Variants in DESI2 observed in about 807,000 individuals in gnomAD.
The protein encoded by DESI2 is desumoylating isopeptidase 2.
A neutral mutation model predicts 24.1 loss-of-function variants in DESI2; 10 were observed. That is an observed-to-expected ratio of 0.41 (90% confidence interval 0.26 to 0.70). The LOEUF (loss-of-function observed/expected upper bound fraction) is 0.70. Among genes scored for constraint, DESI2 ranks in the 30% least tolerant of loss-of-function variants. The probability of loss-of-function intolerance (pLI) is 0.29; values close to 1 mark genes in which losing one functional copy is unlikely to be tolerated. For synonymous variants in DESI2, 71 were observed against 87.7 expected, an observed-to-expected ratio of 0.81 and a Z score of 1.06; for missense variants, 122 against 234.9, an observed-to-expected ratio of 0.52 and a Z score of 3.14.
At chr1:244,694,545 C>T (rs1677143907) in intron 4 of DESI2, 1 of 781,544 alleles carries the variant, frequency 1.3e-6, no homozygotes, top group African/African-American at 1.7e-5. Context: ...TCGACCAGTC[C>T]CAGTGGTATT....
chr1:244,687,854 G>T (rs1180144273), intron 2 of DESI2, among the ~76,000 whole-genome samples: 2 of 152,298 alleles, frequency 1.3e-5, no homozygotes, highest in East Asian at 3.9e-4. Context: ...TGCCAAATTT[G>T]CATGTGTATT....
At chr1:244,704,809 C>T (rs1346522909) in intron 4 of DESI2, among the ~76,000 whole-genome samples, 3 of 152,130 alleles carry the variant, frequency 2.0e-5, no homozygotes, top group Non-Finnish European at 2.9e-5. Flanking sequence ...CAGGTGTGCA[C>T]CACCATGCCC....
chr1:244,699,438 C>A (rs752451733), intron 4 of DESI2, among the ~76,000 whole-genome samples: 1 of 151,510 alleles, frequency 6.6e-6, no homozygotes, highest in Non-Finnish European at 1.5e-5. Context: ...AGAAATTAGC[C>A]GGGCATGGTG....
chr1:244,663,768 C>G (rs1675936921), intron 1 of DESI2, among the ~76,000 whole-genome samples: 1 of 151,820 alleles, frequency 6.6e-6, no homozygotes, highest in Non-Finnish European at 1.5e-5. Flanking sequence ...CCTGTAATCC[C>G]AGCACTTTGG....
rs925222537 is a variant in DESI2 at position 244,707,718 on chromosome 1, C to T, written c.*1929C>T. 6.6e-6 allele frequency: 1 copy of T among 152,214 alleles called. No homozygotes were observed. The highest frequency in any genetic ancestry group is 1.5e-5 in the Non-Finnish European group (1 of 68,050). 9.4% of individuals were successfully genotyped at this position (152,214 alleles called of 1,614,324 possible). A position where few individuals can be genotyped will look rare whatever the true frequency, so the allele number is the denominator to read the frequency against. ...TTTAAACCTGGGCTACTGACACACA[C>T]ACAGTAGCCATTAGTTAGACTCTTC... On this transcript the variant is annotated 3_prime_UTR_variant, in exon 5 of 5. Coordinates refer to ENST00000302550, the MANE Select transcript of DESI2 (RefSeq NM_016076.5).
intron 1 of DESI2, among the ~76,000 whole-genome samples, chr1:244,665,612 G>A (rs1676013351): frequency 6.6e-6 from 1 of 152,174 alleles, no homozygotes; most frequent in Non-Finnish European, 1.5e-5. Flanking sequence ...CTGCTAAGGT[G>A]CTTTTTAGAT....
chr1:244,659,532 C>G (rs1343238538), intron 1 of DESI2, among the ~76,000 whole-genome samples: 1 of 152,184 alleles, frequency 6.6e-6, no homozygotes, highest in East Asian at 1.9e-4. Flanking sequence ...TCAGTTGCTT[C>G]AAGTGTCATG....
At chr1:244,681,620 C>T (rs973954514) in intron 1 of DESI2, among the ~76,000 whole-genome samples, 6 of 152,220 alleles carry the variant, frequency 3.9e-5, no homozygotes, top group African/African-American at 1.2e-4. Context: ...TTGGTACATA[C>T]ACGTCCTGTA....
At chr1:244,685,051 C>CT (rs1676768065) in intron 1 of DESI2, among the ~76,000 whole-genome samples, 1 of 152,140 alleles carries the variant, frequency 6.6e-6, no homozygotes, top group Non-Finnish European at 1.5e-5. Flanking sequence ...AAGAGGGATA[C>CT]TTATATTCTC....
At chr1:244,697,682 A>G (rs1677275090) in intron 4 of DESI2, among the ~76,000 whole-genome samples, 1 of 152,124 alleles carries the variant, frequency 6.6e-6, no homozygotes, top group Non-Finnish European at 1.5e-5. Flanking sequence ...TCACCTGGCT[A>G]CTTTTGGCCA....
chr1:244,676,165 C>G (rs1167189916), intron 1 of DESI2, among the ~76,000 whole-genome samples: 1 of 152,002 alleles, frequency 6.6e-6, no homozygotes, highest in Non-Finnish European at 1.5e-5. Flanking sequence ...CAAGCTCCAC[C>G]TCCCTGGTTC....
chr1:244,655,249 G>A (rs1231276996), intron 1 of DESI2, among the ~76,000 whole-genome samples: 1 of 152,200 alleles, frequency 6.6e-6, no homozygotes, highest in Non-Finnish European at 1.5e-5. Flanking sequence ...GAGAGTAAGT[G>A]ATCTGCCTAA....
chr1:244,678,067 T>C (rs1227142686), intron 1 of DESI2, among the ~76,000 whole-genome samples: 1 of 152,162 alleles, frequency 6.6e-6, no homozygotes, highest in African/African-American at 2.4e-5. Flanking sequence ...GCAGGAACAG[T>C]TGACCTGATA....
Position 244,689,613 on chromosome 1 carries a change from G to A in DESI2, c.209+271G>A, listed in dbSNP as rs572138129. ...CAGCGTCCGCCTTCTAGGTTCAAGC[G>A]ATTCTCCTGCCTCAGGCTCCCAAGT... On this transcript the variant is annotated intron_variant, in intron 3 of 4. Transcript: ENST00000302550. This position sits in a 1 kb window ranked among gnomAD's most constrained non-coding sequence, Gnocchi z 4.0. Among the ~76,000 whole-genome samples, 5 of 152,138 alleles carry A rather than the reference G, an allele frequency of 3.3e-5. No homozygotes were observed. In the South Asian group the frequency reaches 8.3e-4, roughly 25 times the overall value.
chr1:244,705,725 C>T lies in DESI2; in HGVS notation c.521C>T (p.Ala174Val), dbSNP rs769924658. 3.7e-6 allele frequency: 6 copies of T among 1,613,804 alleles called. No individual in the cohort carries two copies. Among genetic ancestry groups the T allele is most frequent in the Admixed American group, 1.7e-5 (1 of 60,004 alleles). ...QDELEEAEDA[A>V]ASASVASTAA... ...GAACTGGAGGAAGCAGAGGATGCTG[C>T]CGCATCCGCTTCCGTGGCAAGCACT... Residue 174 changes from alanine (A) to valine (V), a missense_variant, in exon 5 of 5, where the codon GCC (alanine) becomes GTC (valine). Ala to Val is a moderately conservative substitution (Grantham distance 64, BLOSUM62 0). This residue lies in a region of DESI2 where 56 missense variants were observed against 67.9 expected (regional missense o/e 0.82). Coordinates refer to ENST00000302550, the MANE Select transcript of DESI2 (RefSeq NM_016076.5).
chr1:244,674,898 A>G (rs983118978), intron 1 of DESI2, among the ~76,000 whole-genome samples: 5 of 152,184 alleles, frequency 3.3e-5, no homozygotes, highest in Admixed American at 1.3e-4. Context: ...GCTAGGTCAT[A>G]TGGTAACTTT....
chr1:244,674,981 T>G (rs1481709592), intron 1 of DESI2, among the ~76,000 whole-genome samples: 1 of 152,228 alleles, frequency 6.6e-6, no homozygotes, highest in East Asian at 1.9e-4. Flanking sequence ...CCACCAGTAA[T>G]GTATTCGAGT....
chr1:244,701,213 C>CCG lies in DESI2; in HGVS notation c.352-4342_352-4341insGC, dbSNP rs1558669771. Among the ~76,000 whole-genome samples, 8 of 4,800 alleles carry CCG rather than the reference C, an allele frequency of 1.7e-3. 3 individuals carry two copies. The highest frequency in any genetic ancestry group is 2.4e-3 in the Non-Finnish European group (5 of 2,114). 3.1% of individuals were successfully genotyped at this position (4,800 alleles called of 152,430 possible). A position where few individuals can be genotyped will look rare whatever the true frequency, so the allele number is the denominator to read the frequency against. On this transcript the variant is annotated intron_variant, in intron 4 of 4. Coordinates refer to ENST00000302550, the MANE Select transcript of DESI2 (RefSeq NM_016076.5). ...GGGCATGACTGGACCACCTTCCCCT[C>CCG]CACCCCCCCCCCCCCCCCCCCGCCC... is the stretch of plus-strand genomic sequence containing the variant.
intron 4 of DESI2, among the ~76,000 whole-genome samples, chr1:244,697,981 G>T (rs923031121): frequency 6.6e-6 from 1 of 152,212 alleles, no homozygotes; most frequent in African/African-American, 2.4e-5. Flanking sequence ...CTCCGCAACT[G>T]TAATATTAAA....
Sources: allele counts gnomAD v4.1 joint callset (sites outside exome capture counted in the v4.1 genomes callset), GRCh38; gene constraint gnomAD v4.1.1; regional missense constraint gnomAD v4.1.1; non-coding constraint Gnocchi (gnomAD v3.1); transcripts MANE v1.5; gene names NCBI Gene and HGNC (gene_info 2026-07-23, HGNC 2026-07-21).